The following ZFYVE9 variants were observed in gnomAD, a reference collection of about 807,000 sequenced individuals.
The protein encoded by ZFYVE9 is zinc finger FYVE-type containing 9, also known as zinc finger FYVE domain-containing protein 9.
In ZFYVE9, 43 loss-of-function variants were observed where a neutral mutation model predicts 126.7. The ratio of observed to expected loss-of-function variants is 0.34; its 90% CI spans 0.27 to 0.44. The LOEUF is 0.44. ZFYVE9 is among the 20% of genes least tolerant of loss of function. The pLI, the probability that ZFYVE9 is intolerant of heterozygous loss-of-function variation, is 1.00. For synonymous variants in ZFYVE9, 521 were observed against 597.4 expected (o/e 0.87, Z 1.87); for missense variants, 1,476 against 1,697.0 (o/e 0.87, Z 2.29).
intron 1 of ZFYVE9, among the ~76,000 whole-genome samples, chr1:52,144,356 C>G (rs1164201528): frequency 6.6e-6 from 1 of 151,968 alleles, no homozygotes; most frequent in Non-Finnish European, 1.5e-5. Flanking sequence ...GTGTGTCCCT[C>G]AAGACCACCA....
chr1:52,338,654 A>G (rs1301290280), intron 16 of ZFYVE9, among the ~76,000 whole-genome samples: 3 of 152,354 alleles, frequency 2.0e-5, no homozygotes, highest in South Asian at 2.1e-4. Context: ...CTTAAATTCA[A>G]GTAATTTTGA....
At chr1:52,340,479 A>G (rs1287078288) in intron 17 of ZFYVE9, among the ~76,000 whole-genome samples, 3 of 152,248 alleles carry the variant, frequency 2.0e-5, no homozygotes, top group Non-Finnish European at 2.9e-5. Flanking sequence ...TTGGAACTCC[A>G]GAAGAGTAGA....
chr1:52,244,815 A>G (rs1260688192), intron 4 of ZFYVE9, among the ~76,000 whole-genome samples: 2 of 152,198 alleles, frequency 1.3e-5, no homozygotes, highest in African/African-American at 4.8e-5. Context: ...CGTCTGTGCT[A>G]CTACCTGTCT....
chr1:52,331,418 A>G (rs1026465707), intron 13 of ZFYVE9, among the ~76,000 whole-genome samples: 2 of 151,060 alleles, frequency 1.3e-5, no homozygotes, highest in African/African-American at 2.4e-5. Flanking sequence ...GCTTGAATCC[A>G]GCCTGGACAA....
At chr1:52,174,367 G>A (rs1644603422) in intron 1 of ZFYVE9, among the ~76,000 whole-genome samples, 1 of 151,422 alleles carries the variant, frequency 6.6e-6, no homozygotes, top group Admixed American at 6.6e-5. Flanking sequence ...TGGTCTGAGA[G>A]ACAGTTTGTT....
chr1:52,340,899 C>A (rs1431819554), intron 17 of ZFYVE9, among the ~76,000 whole-genome samples: 3 of 98,510 alleles, frequency 3.0e-5, no homozygotes, highest in Admixed American at 2.5e-4. Flanking sequence ...AGCAAGACTC[C>A]GTCTCAAAAA....
At chr1:52,240,035 C>T (rs1645318315) in intron 4 of ZFYVE9, among the ~76,000 whole-genome samples, 1 of 152,016 alleles carries the variant, frequency 6.6e-6, no homozygotes, top group African/African-American at 2.4e-5. Flanking sequence ...CACATAGAAT[C>T]CATCCTACTT....
At chr1:52,236,248 A>G (rs1422413363) in intron 3 of ZFYVE9, among the ~76,000 whole-genome samples, 2 of 152,158 alleles carry the variant, frequency 1.3e-5, no homozygotes, top group Admixed American at 6.5e-5. Context: ...TTTACTGTGT[A>G]TGTTCTACCT....
chr1:52,267,842 T>C (rs1200590378), intron 6 of ZFYVE9, among the ~76,000 whole-genome samples: 1 of 152,218 alleles, frequency 6.6e-6, no homozygotes, highest in Non-Finnish European at 1.5e-5. Context: ...TCCAGCTTTT[T>C]CCCTGTCTTT....
At chr1:52,163,684 AT>A (rs1366145688) in intron 1 of ZFYVE9, among the ~76,000 whole-genome samples, 3 of 152,120 alleles carry the variant, frequency 2.0e-5, no homozygotes, top group Non-Finnish European at 4.4e-5. Context: ...CATCCAAATC[AT>A]TAATAAAAAT....
intron 1 of ZFYVE9, among the ~76,000 whole-genome samples, chr1:52,182,067 C>T (rs1048317127): frequency 6.6e-6 from 1 of 151,428 alleles, no homozygotes; most frequent in Non-Finnish European, 1.5e-5. Context: ...GCCCCTCGCC[C>T]GGCCAGCTGC....
At chr1:52,266,896 T>C (rs987024561) in intron 6 of ZFYVE9, 65 bp downstream of exon 6, 22 of 1,419,200 alleles carry the variant, frequency 1.6e-5, no homozygotes, top group African/African-American at 5.8e-5. Flanking sequence ...GGTGCTGATA[T>C]GACTTTACAG....
At chr1:52,289,274 G>A (rs772598513) in intron 10 of ZFYVE9, among the ~76,000 whole-genome samples, 3 of 151,992 alleles carry the variant, frequency 2.0e-5, no homozygotes, top group Admixed American at 2.0e-4. Flanking sequence ...TATTTACCTC[G>A]TCTTTTCAGA....
chr1:52,281,958 G>A (rs1645809735), intron 10 of ZFYVE9, 142 bp downstream of exon 10: 3 of 883,580 alleles, frequency 3.4e-6, no homozygotes, highest in South Asian at 1.6e-5. Flanking sequence ...GCTTTCCATG[G>A]TTTGAAGAAA....
chr1:52,228,605 A>G (rs1265060084), intron 2 of ZFYVE9, among the ~76,000 whole-genome samples: 2 of 152,190 alleles, frequency 1.3e-5, no homozygotes, highest in African/African-American at 2.4e-5. Context: ...GTTGCAGACA[A>G]CACAACACTT....
At chr1:52,217,204 C>T (rs1371210445) in intron 2 of ZFYVE9, among the ~76,000 whole-genome samples, 1 of 152,178 alleles carries the variant, frequency 6.6e-6, no homozygotes, top group Non-Finnish European at 1.5e-5. Flanking sequence ...TGTATCTTTT[C>T]CCTATTGGCT....
chr1:52,219,804 G>GTGTGTGTGT (rs1553126056), intron 2 of ZFYVE9, among the ~76,000 whole-genome samples: 11 of 88,146 alleles, frequency 1.2e-4, no homozygotes, highest in African/African-American at 1.4e-4. Flanking sequence ...TGTGTGTGTG[G>GTGTGTGTGT]CAGAGTCTTA....
At chr1:52,337,173 C>T (rs1419076098) in intron 15 of ZFYVE9, among the ~76,000 whole-genome samples, 1 of 152,128 alleles carries the variant, frequency 6.6e-6, no homozygotes, top group Non-Finnish European at 1.5e-5. Context: ...AATTGCTCAG[C>T]ATGTGACAAC....
chr1:52,235,994 A>T (rs1307270494), intron 3 of ZFYVE9, among the ~76,000 whole-genome samples: 1 of 152,160 alleles, frequency 6.6e-6, no homozygotes, highest in Admixed American at 6.5e-5. Context: ...CAATTAGCTT[A>T]TAGTAAAATT....
Sources: gnomAD v4.1 joint callset for allele counts (sites outside exome capture counted in the v4.1 genomes callset) on GRCh38, gnomAD v4.1.1 for gene constraint, MANE v1.5 for transcripts, NCBI Gene and HGNC (gene_info 2026-07-23, HGNC 2026-07-21) for gene names.